CERT1: variants seen among roughly 807,000 people sequenced by gnomAD.
CERT1 encodes ceramide transporter 1.
In CERT1, 31 loss-of-function variants were observed where a neutral mutation model predicts 87.9. The observed-to-expected ratio is 0.35, with a 90% CI of 0.27 to 0.48. CERT1 has a LOEUF of 0.48. Ranked by LOEUF, CERT1 falls within the 20% of genes least tolerant of loss-of-function variation. The pLI, the probability that CERT1 is intolerant of heterozygous loss-of-function variation, is 0.99. For missense variants in CERT1, 487 were observed against 758.0 expected, an observed-to-expected ratio of 0.64 and a Z score of 4.20; for synonymous variants, 289 against 250.9, an observed-to-expected ratio of 1.15 and a Z score of -1.44.
intron 16 of CERT1, 74 bp from the exon 17 acceptor site, chr5:75,379,547 C>A: frequency 2.9e-6 from 4 of 1,374,622 alleles, no homozygotes; most frequent in Non-Finnish European, 4.0e-6. Flanking sequence ...TAATTTGTTC[C>A]CTTGTTTTTA....
intron 2 of CERT1, among the ~76,000 whole-genome samples, chr5:75,487,570 C>G (rs1301297129): frequency 6.6e-6 from 1 of 151,878 alleles, no homozygotes; most frequent in Admixed American, 6.6e-5. Context: ...TTGAAAGCTA[C>G]CCATCTGACA....
intron 2 of CERT1, among the ~76,000 whole-genome samples, chr5:75,464,630 G>A (rs1030865046): frequency 2.6e-5 from 4 of 152,088 alleles, no homozygotes; most frequent in African/African-American, 9.7e-5. Flanking sequence ...ACCTAGGCTG[G>A]AGTGGTGCAA....
intron 5 of CERT1, among the ~76,000 whole-genome samples, chr5:75,424,664 G>A (rs1205035878): frequency 6.6e-6 from 1 of 151,860 alleles, no homozygotes; most frequent in Non-Finnish European, 1.5e-5. Context: ...AAGAGAAAGA[G>A]ATCAACTGGT....
chr5:75,483,175 T>TG (rs1766335572), intron 2 of CERT1, among the ~76,000 whole-genome samples: 1 of 152,090 alleles, frequency 6.6e-6, no homozygotes, highest in African/African-American at 2.4e-5. Flanking sequence ...CTATCTGAAT[T>TG]TAACAAACTG....
intron 17 of CERT1, chr5:75,370,982 CT>C (rs1761064241): frequency 1.3e-5 from 2 of 151,200 alleles, no homozygotes; most frequent in African/African-American, 4.9e-5. Context: ...AAAATTTAGG[CT>C]GCAACTCAGT....
At chr5:75,401,902 T>C (rs867433243) in intron 9 of CERT1, 1 of 152,180 alleles carries the variant, frequency 6.6e-6, no homozygotes, top group African/African-American at 2.4e-5. Context: ...AGATACTCTG[T>C]AGCCACAGTT....
At chr5:75,481,282 C>G (rs1021609833) in intron 2 of CERT1, among the ~76,000 whole-genome samples, 33 of 152,282 alleles carry the variant, frequency 2.2e-4, no homozygotes, top group African/African-American at 7.9e-4. Flanking sequence ...CAGACTGCTT[C>G]TCAAATTCCC....
At chr5:75,486,049 A>T (rs982501019) in intron 2 of CERT1, among the ~76,000 whole-genome samples, 1 of 152,116 alleles carries the variant, frequency 6.6e-6, no homozygotes, top group African/African-American at 2.4e-5. Context: ...AGACACATCA[A>T]ACAAAGAAAA....
chr5:75,423,817 A>AG (rs1293433485), intron 5 of CERT1, among the ~76,000 whole-genome samples: 1 of 152,170 alleles, frequency 6.6e-6, no homozygotes, highest in African/African-American at 2.4e-5. Context: ...AAATAACAAA[A>AG]CCACGAGTTA....
intron 11 of CERT1, among the ~76,000 whole-genome samples, chr5:75,396,451 G>C (rs960040341): frequency 8.5e-5 from 13 of 152,200 alleles, no homozygotes; most frequent in South Asian, 4.1e-4. Context: ...TGTAGGCCAG[G>C]TGTGGCGGCT....
At chr5:75,408,536 A>T (rs1201379022) in intron 8 of CERT1, among the ~76,000 whole-genome samples, 1 of 152,204 alleles carries the variant, frequency 6.6e-6, no homozygotes, top group African/African-American at 2.4e-5. Context: ...ACAAACAGAA[A>T]GTCAAATACT....
intron 16 of CERT1, among the ~76,000 whole-genome samples, chr5:75,380,458 T>A (rs16872528): frequency 0.079 from 11,973 of 152,140 alleles, 566 homozygotes; most frequent in South Asian, 0.17. Flanking sequence ...ATAATAAATC[T>A]GTTCTATGAG....
In CERT1 at chr5:75,437,057, A is replaced by C. The variant is rs932408771; in HGVS notation, c.349-10579T>G. ...TACCTTGGCCTCTCAAAGTCCTGGG[A>C]TTACAGGCAGGAGCCACTGTAACTG... is the stretch of plus-strand genomic sequence containing the variant. On this transcript the variant is annotated intron_variant, in intron 3 of 16. Transcript: ENST00000643780. 5.9e-5 allele frequency among the ~76,000 whole-genome samples: 9 copies of C among 152,316 alleles called. No homozygotes were observed. In the East Asian group the frequency reaches 1.5e-3, roughly 26 times the overall value.
intron 16 of CERT1, among the ~76,000 whole-genome samples, 183 bp downstream of exon 16, chr5:75,380,889 G>C (rs748207985): frequency 2.0e-5 from 3 of 151,908 alleles, no homozygotes; most frequent in Non-Finnish European, 4.4e-5. Context: ...AGTAGTTCCA[G>C]GGTGAAATTC....
At chr5:75,470,443 T>C (rs1037825414) in intron 2 of CERT1, among the ~76,000 whole-genome samples, 2 of 152,180 alleles carry the variant, frequency 1.3e-5, no homozygotes, top group African/African-American at 2.4e-5. Flanking sequence ...GATCAAGTGA[T>C]GCAATGATCC....
chr5:75,437,906 C>G (rs1265229966), intron 3 of CERT1, among the ~76,000 whole-genome samples: 1 of 151,182 alleles, frequency 6.6e-6, no homozygotes, highest in Admixed American at 6.6e-5. Flanking sequence ...GAGTTTTTAA[C>G]AAATACAAAT....
intron 2 of CERT1, among the ~76,000 whole-genome samples, chr5:75,497,768 T>C (rs1039333256): frequency 1.3e-5 from 2 of 152,166 alleles, no homozygotes; most frequent in African/African-American, 4.8e-5. Flanking sequence ...CGGGTATTTC[T>C]TCATAGGAGC....
chr5:75,463,415 G>C (rs1401685588), intron 2 of CERT1, among the ~76,000 whole-genome samples: 2 of 151,924 alleles, frequency 1.3e-5, no homozygotes, highest in African/African-American at 2.4e-5. Context: ...CATGCTACAG[G>C]AAAAAGACAT....
chr5:75,464,784 C>G (rs886581250), intron 2 of CERT1, among the ~76,000 whole-genome samples: 5 of 152,116 alleles, frequency 3.3e-5, no homozygotes, highest in African/African-American at 1.2e-4. Context: ...CCATGTTGCC[C>G]AGGCCCTGGT....
Sources: gnomAD v4.1 joint callset for allele counts (sites outside exome capture counted in the v4.1 genomes callset) on GRCh38, gnomAD v4.1.1 for gene constraint, MANE v1.5 for transcripts, NCBI Gene and HGNC (gene_info 2026-07-23, HGNC 2026-07-21) for gene names.